PPP3CB: variants seen among roughly 807,000 people sequenced by gnomAD.
The protein encoded by PPP3CB is serine/threonine-protein phosphatase 2B catalytic subunit beta isoform.
A neutral mutation model predicts 66.4 loss-of-function variants in PPP3CB; 8 were observed. That is an observed-to-expected ratio of 0.12 (90% CI 0.07 to 0.22). PPP3CB has a LOEUF of 0.22. PPP3CB is among the 10% of genes least tolerant of loss of function. The probability of loss-of-function intolerance (pLI) is 1.00; values close to 1 mark genes in which losing one functional copy is unlikely to be tolerated. For synonymous variants in PPP3CB, 208 were observed against 221.2 expected (o/e 0.94, Z 0.53); for missense variants, 319 against 642.5 (o/e 0.50, Z 5.44).
chr10:73,487,367 G>A (rs2056996131), intron 1 of PPP3CB, among the ~76,000 whole-genome samples: 1 of 151,942 alleles, frequency 6.6e-6, no homozygotes, highest in Non-Finnish European at 1.5e-5. Flanking sequence ...GGCCAACATG[G>A]CGAAATCCCG....
chr10:73,495,721 A>C, intron 1 of PPP3CB, 84 bp downstream of exon 1: 2 of 1,489,142 alleles, frequency 1.3e-6, no homozygotes, highest in Non-Finnish European at 9.0e-7. Flanking sequence ...TTCCGGGCCC[A>C]CTCCCGAGGG....
intron 1 of PPP3CB, among the ~76,000 whole-genome samples, chr10:73,494,821 G>A (rs1483780464): frequency 2.6e-5 from 4 of 152,112 alleles, no homozygotes; most frequent in Non-Finnish European, 5.9e-5. Context: ...TACAAATAAG[G>A]AAAAGTTCAT....
At chr10:73,451,948 T>C (rs1027958004) in intron 10 of PPP3CB, among the ~76,000 whole-genome samples, 1 of 151,702 alleles carries the variant, frequency 6.6e-6, no homozygotes, top group African/African-American at 2.4e-5. Context: ...GGTTTCACCA[T>C]GTTAAGCCAG....
rs769401001 is a variant in PPP3CB, at chr10:73,471,623, C to A, written c.524-10G>T. 8 of 1,562,052 alleles carry A rather than the reference C, an allele frequency of 5.1e-6. No homozygotes were observed. The South Asian group carries it at 7.2e-5, about 14-fold the overall frequency. On this transcript the variant is annotated splice_polypyrimidine_tract_variant and intron_variant, in intron 4 of 13. Coordinates refer to ENST00000360663, the MANE Select transcript of PPP3CB (RefSeq NM_021132.4). Reference sequence around the variant, plus strand: ...GAATACTTAATTTTACCTAGAAAAACAAAAAACTAATTGAAAATTACATTA... The same window carrying A: ...GAATACTTAATTTTACCTAGAAAAAAAAAAAACTAATTGAAAATTACATTA...
chr10:73,487,441 G>C (rs1028091186), intron 1 of PPP3CB, among the ~76,000 whole-genome samples: 4 of 151,760 alleles, frequency 2.6e-5, no homozygotes, highest in Admixed American at 2.6e-4. Flanking sequence ...CCAGCTACTT[G>C]GGAGGCTGAG....
At chr10:73,454,296 T>C in intron 10 of PPP3CB, 116 bp downstream of exon 10, 1 of 501,532 alleles carries the variant, frequency 2.0e-6, no homozygotes, top group Non-Finnish European at 3.5e-6. Context: ...ACTTATCAAA[T>C]AGCATAGTCT....
At chr10:73,486,965 G>A (rs1280269269) in intron 1 of PPP3CB, among the ~76,000 whole-genome samples, 2 of 152,170 alleles carry the variant, frequency 1.3e-5, no homozygotes, top group Admixed American at 6.5e-5. Flanking sequence ...GAGGTCAGGA[G>A]TTTCAGACCA....
chr10:73,442,428 A>C (rs1368095908), intron 12 of PPP3CB, among the ~76,000 whole-genome samples: 1 of 152,212 alleles, frequency 6.6e-6, no homozygotes, highest in African/African-American at 2.4e-5. Flanking sequence ...TACAATATAA[A>C]AGTAATGTTA....
intron 10 of PPP3CB, among the ~76,000 whole-genome samples, chr10:73,449,227 C>G (rs572438271): frequency 2.6e-5 from 4 of 152,290 alleles, no homozygotes; most frequent in African/African-American, 9.6e-5. Flanking sequence ...AACCTCACCC[C>G]CTCCCAACGA....
intron 8 of PPP3CB, among the ~76,000 whole-genome samples, chr10:73,468,210 G>C (rs1445458784): frequency 1.3e-5 from 2 of 151,950 alleles, no homozygotes; most frequent in African/African-American, 4.8e-5. Context: ...TGGAAAATCA[G>C]ACAAAATTAC....
chr10:73,477,636 G>A (rs1185223427), intron 3 of PPP3CB, among the ~76,000 whole-genome samples: 3 of 152,184 alleles, frequency 2.0e-5, no homozygotes, highest in East Asian at 3.9e-4. Flanking sequence ...TAAAAAGATG[G>A]CAGGGCAATG....
At chr10:73,468,172 T>C (rs913933973) in intron 8 of PPP3CB, among the ~76,000 whole-genome samples, 7 of 152,162 alleles carry the variant, frequency 4.6e-5, no homozygotes, top group African/African-American at 1.4e-4. Flanking sequence ...TACTTATAAA[T>C]GTATGAATGT....
intron 1 of PPP3CB, among the ~76,000 whole-genome samples, chr10:73,487,453 C>T (rs2056997866): frequency 6.7e-6 from 1 of 149,276 alleles, no homozygotes; most frequent in Admixed American, 6.8e-5. Context: ...GAGGCTGAGG[C>T]AGGAGAGTTG....
intron 10 of PPP3CB, among the ~76,000 whole-genome samples, chr10:73,448,989 GA>G (rs943229006): frequency 7.2e-5 from 11 of 152,126 alleles, no homozygotes; most frequent in African/African-American, 1.9e-4. Flanking sequence ...ATTAGGGACA[GA>G]AAAAAACATG....
intron 4 of PPP3CB, 68 bp from the exon 5 acceptor site, chr10:73,471,681 A>G (rs1253003233): frequency 2.0e-5 from 25 of 1,245,130 alleles, no homozygotes; most frequent in Non-Finnish European, 2.4e-5. Context: ...AAAAACATAT[A>G]TATTAGATTT....
chr10:73,491,229 C>A (rs964623405), intron 1 of PPP3CB, among the ~76,000 whole-genome samples: 3 of 151,644 alleles, frequency 2.0e-5, no homozygotes, highest in African/African-American at 7.3e-5. Context: ...CGGGGTTTCA[C>A]CATGTTGGTC....
At chr10:73,474,314 T>TACA (rs2056752823) in intron 4 of PPP3CB, among the ~76,000 whole-genome samples, 1 of 152,106 alleles carries the variant, frequency 6.6e-6, no homozygotes. Flanking sequence ...GTGCTGGGAT[T>TACA]ACAAGCGTGA....
At chr10:73,445,413 G>C (rs1452971069) in intron 11 of PPP3CB, among the ~76,000 whole-genome samples, 1 of 152,154 alleles carries the variant, frequency 6.6e-6, no homozygotes, top group Non-Finnish European at 1.5e-5. Flanking sequence ...GCTTCAAAGG[G>C]ACTTGTGTTC....
intron 9 of PPP3CB, among the ~76,000 whole-genome samples, chr10:73,461,346 C>A (rs2056518050): frequency 6.6e-6 from 1 of 152,002 alleles, no homozygotes; most frequent in Admixed American, 6.6e-5. Context: ...ATTTGGGGGT[C>A]TGAGGCAGGG....
Sources: gnomAD v4.1 joint callset for allele counts (sites outside exome capture counted in the v4.1 genomes callset) on GRCh38, gnomAD v4.1.1 for gene constraint, MANE v1.5 for transcripts, NCBI Gene and HGNC (gene_info 2026-07-23, HGNC 2026-07-21) for gene names.